SLC9A2: variants seen among roughly 807,000 people sequenced by gnomAD.
SLC9A2 encodes solute carrier family 9 member A2.
A neutral mutation model predicts 71.7 loss-of-function variants in SLC9A2; 42 were observed. The ratio of observed to expected loss-of-function variants is 0.59; its 90% CI spans 0.46 to 0.76. The LOEUF (loss-of-function observed/expected upper bound fraction) is 0.76, where lower values mean the gene tolerates loss of function less well. Ranked by LOEUF, SLC9A2 falls within the 30% of genes least tolerant of loss-of-function variation. SLC9A2 has a pLI of 0.00. For synonymous variants in SLC9A2, 396 were observed against 392.5 expected (o/e 1.01, Z -0.10); for missense variants, 829 against 1,017.4 (o/e 0.81, Z 2.52).
intron 3 of SLC9A2, among the ~76,000 whole-genome samples, chr2:102,682,655 A>G (rs539884172): frequency 2.8e-4 from 42 of 152,362 alleles, no homozygotes; most frequent in African/African-American, 7.5e-4. Context: ...TGAATTTCCC[A>G]GAAGTGGATA....
In SLC9A2 at chr2:102,665,268, G is replaced by A; in HGVS notation, c.922G>A (p.Val308Met). The A allele has an allele frequency of 6.2e-7, 1 of 1,614,050 alleles. No homozygotes were observed. The highest frequency in any genetic ancestry group is 8.5e-7 in the Non-Finnish European group (1 of 1,180,002). Residue 308 changes from valine (V) to methionine (M), a missense_variant, in exon 3 of 12, where the codon GTG becomes ATG. By Grantham distance (21) the Val-to-Met change is conservative. Transcript: ENST00000233969. Reference sequence around the variant, plus strand: ...TACTCGATTCACCCATAATATCCGAGTGATCGAGCCACTGTTTGTTTTCCT... The same window carrying A: ...TACTCGATTCACCCATAATATCCGAATGATCGAGCCACTGTTTGTTTTCCT... ...FTTRFTHNIR[V>M]IEPLFVFLYS...
intron 3 of SLC9A2, among the ~76,000 whole-genome samples, chr2:102,669,601 A>C (rs886733532): frequency 2.0e-5 from 3 of 152,244 alleles, no homozygotes; most frequent in African/African-American, 7.2e-5. Context: ...GCAGGGCATG[A>C]GAGGTGACTA....
intron 3 of SLC9A2, among the ~76,000 whole-genome samples, chr2:102,666,286 C>T (rs982792723): frequency 2.5e-4 from 37 of 150,718 alleles, no homozygotes; most frequent in Non-Finnish European, 4.3e-4. Flanking sequence ...AGCTCCGCCT[C>T]CCGGGTTCAC....
At chr2:102,704,319 A>G (rs1677929965) in intron 9 of SLC9A2, among the ~76,000 whole-genome samples, 1 of 152,172 alleles carries the variant, frequency 6.6e-6, no homozygotes, top group Non-Finnish European at 1.5e-5. Context: ...TCTAAAAAAA[A>G]GAAAAATAAA....
intron 1 of SLC9A2, 92 bp downstream of exon 1, chr2:102,620,229 T>TTCAA: frequency 9.2e-7 from 1 of 1,090,576 alleles, no homozygotes; most frequent in Admixed American, 2.6e-5. Context: ...CTCTAGATAG[T>TTCAA]GACCGCCTCA....
intron 5 of SLC9A2, among the ~76,000 whole-genome samples, chr2:102,690,812 T>C (rs1279010301): frequency 6.6e-6 from 1 of 152,152 alleles, no homozygotes; most frequent in Non-Finnish European, 1.5e-5. Flanking sequence ...ATAGCAGCGA[T>C]AGTGATATTT....
chr2:102,706,037 C>CAATGAGAACACTT (rs1265032951), intron 11 of SLC9A2, 101 bp downstream of exon 11: 4,125 of 184,826 alleles, frequency 0.022, 935 homozygotes, highest in Middle Eastern at 0.026. Context: ...GAATGAGTTC[C>CAATGAGAACACTT]GGCCGGGCGC....
chr2:102,646,736 G>T (rs1676729949), intron 1 of SLC9A2, among the ~76,000 whole-genome samples: 1 of 146,750 alleles, frequency 6.8e-6, no homozygotes, highest in Non-Finnish European at 1.5e-5. Context: ...ATGGTAAAAG[G>T]ATCAATGCAG....
intron 2 of SLC9A2, among the ~76,000 whole-genome samples, chr2:102,660,847 T>A (rs60285282): frequency 0.16 from 24,336 of 152,192 alleles, 2,428 homozygotes; most frequent in East Asian, 0.34. Flanking sequence ...CACTAGGAGT[T>A]GCAGATAGAA....
chr2:102,640,172 G>A (rs1405809549), intron 1 of SLC9A2, among the ~76,000 whole-genome samples: 2 of 152,196 alleles, frequency 1.3e-5, no homozygotes, highest in Non-Finnish European at 2.9e-5. Flanking sequence ...CAGAGGGCAG[G>A]TTAAGAGCCT....
Position 102,632,040 on chromosome 2 carries a change from A to ACG in SLC9A2, c.289+11903_289+11904insCG, listed in dbSNP as rs1676369484. On this transcript the variant is annotated intron_variant, in intron 1 of 11. Transcript: ENST00000233969. Reference sequence around the variant, plus strand: ...TATATATATATATATATATATATACATACACACACACATATATATACACAC... The same window carrying ACG: ...TATATATATATATATATATATATACACGTACACACACACATATATATACACAC... Among the ~76,000 whole-genome samples the ACG allele has an allele frequency of 2.3e-5, 2 of 86,858 alleles. 1 individual carries two copies. The highest frequency in any genetic ancestry group is 4.3e-5 in the Non-Finnish European group (2 of 46,762). The allele number at this position is 86,858 out of a possible 152,430, so 57.0% of individuals were successfully genotyped here. A position where few individuals can be genotyped will look rare whatever the true frequency, so the allele number is the denominator to read the frequency against.
chr2:102,685,233 A>T (rs1253142832), intron 5 of SLC9A2, among the ~76,000 whole-genome samples: 1 of 152,246 alleles, frequency 6.6e-6, no homozygotes, highest in Non-Finnish European at 1.5e-5. Flanking sequence ...TTCTGAAGGC[A>T]GTGTGCTCTT....
intron 3 of SLC9A2, 149 bp downstream of exon 3, chr2:102,665,499 G>A: frequency 1.2e-6 from 1 of 836,194 alleles, no homozygotes; most frequent in Non-Finnish European, 1.8e-6. Flanking sequence ...TTTCGGACGG[G>A]CACAGTGGCT....
chr2:102,708,149 C>A lies in SLC9A2; in HGVS notation c.2099C>A (p.Ala700Asp). 1 of 1,613,560 alleles carries A rather than the reference C, an allele frequency of 6.2e-7. No homozygotes were observed. Among genetic ancestry groups the A allele is most frequent in the Non-Finnish European group, 8.5e-7 (1 of 1,179,796 alleles). ...AATAGCAGCGACTCAGACGCAGATG[C>A]CGGGACCACCGTGCTCAATTTGCAG... Reference protein sequence around the residue: ...DGNSSDSDADAGTTVLNLQPR... With the variant: ...DGNSSDSDADDGTTVLNLQPR... The change falls in exon 12 of 12, where the codon GCC becomes GAC. Residue 700 changes from alanine to aspartate, a missense_variant. Ala to Asp is a moderately radical substitution (Grantham distance 126). Transcript: ENST00000233969.
At chr2:102,681,225 A>ATTAAGTC (rs965351695) in intron 3 of SLC9A2, among the ~76,000 whole-genome samples, 18 of 152,266 alleles carry the variant, frequency 1.2e-4, no homozygotes, top group African/African-American at 4.1e-4. Flanking sequence ...AAGGGTGAGG[A>ATTAAGTC]TTAAGTCTTC....
intron 7 of SLC9A2, among the ~76,000 whole-genome samples, chr2:102,699,088 G>A (rs1290352839): frequency 1.3e-5 from 2 of 152,138 alleles, no homozygotes; most frequent in African/African-American, 4.8e-5. Flanking sequence ...CTACTATGGG[G>A]AAAAATACAT....
chr2:102,663,095 G>A (rs757273439), intron 2 of SLC9A2, among the ~76,000 whole-genome samples: 11 of 152,220 alleles, frequency 7.2e-5, no homozygotes, highest in Non-Finnish European at 1.2e-4. Flanking sequence ...TAACTGTGGC[G>A]TGTTGATGCC....
intron 1 of SLC9A2, among the ~76,000 whole-genome samples, chr2:102,653,970 G>A (rs544546671): frequency 6.6e-6 from 1 of 152,318 alleles, no homozygotes; most frequent in East Asian, 1.9e-4. Context: ...CCCAGCAGGT[G>A]CATTTGTGTC....
At chr2:102,655,910 C>T (rs1404661510) in intron 1 of SLC9A2, among the ~76,000 whole-genome samples, 4 of 152,190 alleles carry the variant, frequency 2.6e-5, no homozygotes, top group African/African-American at 4.8e-5. Flanking sequence ...AAGAGCAAAC[C>T]AGCCAGCAAG....
Sources: allele counts gnomAD v4.1 joint callset (sites outside exome capture counted in the v4.1 genomes callset), GRCh38; gene constraint gnomAD v4.1.1; transcripts MANE v1.5; gene names NCBI Gene and HGNC (gene_info 2026-07-23, HGNC 2026-07-21).